The following SFMBT2 variants were observed in gnomAD, a reference collection of about 807,000 sequenced individuals.
SFMBT2 encodes the protein scm-like with four MBT domains protein 2.
In SFMBT2, 38 loss-of-function variants were observed where a neutral mutation model predicts 110.1. That is an observed-to-expected ratio of 0.35 (90% CI 0.27 to 0.45). SFMBT2 has a LOEUF of 0.45. Ranked by LOEUF, SFMBT2 falls within the 20% of genes least tolerant of loss-of-function variation. The pLI is 1.00. For missense variants in SFMBT2, 1,011 were observed against 1,094.9 expected, an observed-to-expected ratio of 0.92 and a Z score of 1.08; for synonymous variants, 425 against 425.4, an observed-to-expected ratio of 1.00 and a Z score of 0.01.
intron 11 of SFMBT2, among the ~76,000 whole-genome samples, chr10:7,216,383 T>C (rs897555488): frequency 2.6e-5 from 4 of 152,194 alleles, no homozygotes; most frequent in African/African-American, 9.7e-5. Context: ...CTGATGGTTT[T>C]AGAAGGGGTT....
At chr10:7,194,837 C>T (rs1838717889) in intron 15 of SFMBT2, among the ~76,000 whole-genome samples, 1 of 152,280 alleles carries the variant, frequency 6.6e-6, no homozygotes, top group Admixed American at 6.5e-5. Flanking sequence ...GCCGCTGGCA[C>T]TTATCGGAGA....
At chr10:7,188,852 A>C in intron 15 of SFMBT2, 119 bp from the exon 16 acceptor site, 1 of 771,994 alleles carries the variant, frequency 1.3e-6, no homozygotes. Flanking sequence ...CACCCACATG[A>C]AGTGAAGAAA....
Position 7,367,677 on chromosome 10 carries a change from C to T in SFMBT2, c.408G>A (p.Gln136=), listed in dbSNP as rs750220861. 6 of 1,613,346 alleles carry T rather than the reference C, an allele frequency of 3.7e-6. No homozygotes were observed. The South Asian group carries it at 5.5e-5, about 15-fold the overall frequency. The change falls in exon 4 of 21, where the codon CAG becomes CAA. Residue 136 remains glutamine (Q), a synonymous_variant. Transcript: ENST00000397167. The surrounding 1 kb of genome is among the most constrained non-coding windows in gnomAD (Gnocchi z 6.2). ...ADLHPVGWCT[Q]NNKVLMPPDA... ...CCGGCGGCATCAACACCTTGTTGTT[C>T]TGTGTGCACCACCCCACGGGGTGCA...
chr10:7,331,089 T>C (rs1843547415), intron 4 of SFMBT2, among the ~76,000 whole-genome samples: 1 of 152,278 alleles, frequency 6.6e-6, no homozygotes, highest in Non-Finnish European at 1.5e-5. Flanking sequence ...AATATTCCTC[T>C]GTGACTTCTT....
In SFMBT2 at chr10:7,367,932, C is replaced by G. The variant is rs985094765; in HGVS notation, c.196-43G>C. The stretch of plus-strand genomic sequence containing the variant: ...AGAGAAAACCCATTACTACACTAGA[C>G]ACAATACATCCAGAAGATGACAAAA... On this transcript the variant is annotated intron_variant, in intron 3 of 20. Transcript: ENST00000397167. The surrounding 1 kb of genome is among the most constrained non-coding windows in gnomAD (Gnocchi z 6.2). 5 of 1,596,606 alleles carry G rather than the reference C, an allele frequency of 3.1e-6. No homozygotes were observed. In the East Asian group the frequency reaches 1.1e-4, roughly 36 times the overall value.
chr10:7,172,069 G>C lies in SFMBT2; in HGVS notation c.2241C>G (p.Thr747=). 1 of 1,606,208 alleles carries C rather than the reference G, an allele frequency of 6.2e-7. No individual in the cohort carries two copies. The change falls in exon 19 of 21, where the codon ACC becomes ACG. Residue 747 remains threonine (T), a synonymous_variant. Coordinates refer to ENST00000397167, the MANE Select transcript of SFMBT2 (RefSeq NM_001387889.1). The surrounding 1 kb of genome is among the most constrained non-coding windows in gnomAD (Gnocchi z 4.6). ...GGGCCGAGGGCACCTCCGCCGACGA[G>C]GTGTCCGTCTGGTCATCCCGGAGCT... ...GSELRDDQTD[T]SSAEVPSARP...
chr10:7,260,566 G>A (rs1841159948), intron 7 of SFMBT2, among the ~76,000 whole-genome samples: 1 of 152,088 alleles, frequency 6.6e-6, no homozygotes, highest in Non-Finnish European at 1.5e-5. Flanking sequence ...GAAACTACCA[G>A]CAGATGTCCT....
intron 4 of SFMBT2, among the ~76,000 whole-genome samples, chr10:7,366,664 G>C (rs1844914164): frequency 6.6e-6 from 1 of 152,194 alleles, no homozygotes; most frequent in South Asian, 2.1e-4. Context: ...ATAGAGAGTG[G>C]GGTGTAGAGA....
intron 16 of SFMBT2, among the ~76,000 whole-genome samples, chr10:7,180,769 T>C (rs2131554243): frequency 6.6e-6 from 1 of 152,160 alleles, no homozygotes; most frequent in African/African-American, 2.4e-5. Context: ...TGGGGACAGC[T>C]GTTGGGAGGG....
intron 9 of SFMBT2, among the ~76,000 whole-genome samples, chr10:7,232,958 C>G (rs1259246896): frequency 6.6e-6 from 1 of 152,104 alleles, no homozygotes; most frequent in African/African-American, 2.4e-5. Context: ...TCAGGACCAT[C>G]TTGAGATGCT....
At chr10:7,233,116 T>C in intron 9 of SFMBT2, among the ~76,000 whole-genome samples, 1 of 152,218 alleles carries the variant, frequency 6.6e-6, no homozygotes, top group Middle Eastern at 3.4e-3. Context: ...TATACAATCT[T>C]AATAAAAAAT....
chr10:7,230,034 T>C (rs1463189661), intron 9 of SFMBT2, among the ~76,000 whole-genome samples: 1 of 151,822 alleles, frequency 6.6e-6, no homozygotes, highest in Non-Finnish European at 1.5e-5. Context: ...TATATATATA[T>C]ATTTAAGATG....
chr10:7,285,758 C>A lies in SFMBT2; in HGVS notation c.525+108G>T, dbSNP rs745341345. ...GAGGCTATTTGGATGGCAGTGTCTG[C>A]AGAAAGCACGCATCTGCTGAAGGAT... On this transcript the variant is annotated intron_variant, in intron 5 of 20. Coordinates refer to ENST00000397167, the MANE Select transcript of SFMBT2 (RefSeq NM_001387889.1). 237 of 705,322 alleles carry A rather than the reference C, an allele frequency of 3.4e-4. 1 individual carries two copies. The highest frequency in any genetic ancestry group is 5.3e-5 in the Non-Finnish European group (20 of 376,798). 43.7% of individuals were successfully genotyped at this position (705,322 alleles called of 1,614,324 possible). A position where few individuals can be genotyped will look rare whatever the true frequency, so the allele number is the denominator to read the frequency against.
chr10:7,349,440 C>CTTTTTTT (rs369479041), intron 4 of SFMBT2, among the ~76,000 whole-genome samples: 1,780 of 46,792 alleles, frequency 0.038, 257 homozygotes, highest in East Asian at 0.066. Context: ...CTTTTCTTTT[C>CTTTTTTT]TTTTTTTTTT....
chr10:7,333,858 T>C (rs1843636840), intron 4 of SFMBT2, among the ~76,000 whole-genome samples: 1 of 152,038 alleles, frequency 6.6e-6, no homozygotes, highest in Non-Finnish European at 1.5e-5. Flanking sequence ...CGTCTTTCTT[T>C]AAGGCTCACA....
intron 4 of SFMBT2, among the ~76,000 whole-genome samples, chr10:7,335,795 A>T (rs1196221777): frequency 1.3e-5 from 2 of 152,200 alleles, no homozygotes; most frequent in Non-Finnish European, 2.9e-5. Flanking sequence ...ACTGTAACGT[A>T]ACAAAGGATT....
intron 12 of SFMBT2, 154 bp from the exon 13 acceptor site, chr10:7,202,676 T>C (rs1302127750): frequency 6.1e-6 from 6 of 985,146 alleles, no homozygotes; most frequent in Non-Finnish European, 7.2e-6. Flanking sequence ...TTCCTATCAG[T>C]TTCTTCTAGC....
At chr10:7,319,982 C>CAG (rs575996229) in intron 4 of SFMBT2, among the ~76,000 whole-genome samples, 2 of 141,144 alleles carry the variant, frequency 1.4e-5, no homozygotes, top group East Asian at 2.1e-4. Context: ...CAGAGAGACA[C>CAG]AGAGAGAGAG....
At chr10:7,321,539 G>A (rs1843188947) in intron 4 of SFMBT2, among the ~76,000 whole-genome samples, 2 of 152,146 alleles carry the variant, frequency 1.3e-5, no homozygotes, top group South Asian at 2.1e-4. Context: ...GTAAAATAAC[G>A]TCAGGGATAA....
Sources: gnomAD v4.1 joint callset for allele counts (sites outside exome capture counted in the v4.1 genomes callset) on GRCh38, gnomAD v4.1.1 for gene constraint, Gnocchi (gnomAD v3.1) non-coding constraint, MANE v1.5 for transcripts, NCBI Gene and HGNC (gene_info 2026-07-23, HGNC 2026-07-21) for gene names.